Variants in ARID4A observed in about 807,000 individuals in gnomAD.
ARID4A encodes the protein AT-rich interactive domain-containing protein 4A.
ARID4A carries 39 observed loss-of-function variants against 148.6 expected under a neutral mutation model. The observed-to-expected ratio is 0.26, with a 90% CI of 0.20 to 0.34. ARID4A has a LOEUF of 0.34. Ranked by LOEUF, ARID4A falls within the 10% of genes least tolerant of loss-of-function variation. The probability of loss-of-function intolerance (pLI) is 1.00; values close to 1 mark genes in which losing one functional copy is unlikely to be tolerated. For missense variants in ARID4A, 1,265 were observed against 1,449.1 expected (o/e 0.87, Z 2.06); for synonymous variants, 475 against 481.2 (o/e 0.99, Z 0.17).
chr14:58,307,417 G>A (rs961205166), intron 5 of ARID4A, among the ~76,000 whole-genome samples: 67 of 152,172 alleles, frequency 4.4e-4, no homozygotes, highest in African/African-American at 1.6e-3. Flanking sequence ...AAACCTCTTT[G>A]ATGCTTCTTG....
intron 11 of ARID4A, among the ~76,000 whole-genome samples, chr14:58,333,136 AG>A (rs1167686579): frequency 6.6e-6 from 1 of 152,096 alleles, no homozygotes; most frequent in Non-Finnish European, 1.5e-5. Flanking sequence ...GTGTGGGAAA[AG>A]ATTGAGGATC....
intron 7 of ARID4A, among the ~76,000 whole-genome samples, chr14:58,322,963 C>CCAAAAAAA (rs1491222874): frequency 2.4e-4 from 10 of 42,240 alleles, no homozygotes; most frequent in African/African-American, 9.8e-4. Flanking sequence ...ACTCCATTTC[C>CCAAAAAAA]AAAAAAAAAA....
At chr14:58,327,831 C>T (rs2033303164) in intron 8 of ARID4A, among the ~76,000 whole-genome samples, 2 of 151,998 alleles carry the variant, frequency 1.3e-5, no homozygotes. Flanking sequence ...ACCACCACAC[C>T]AGGCTAATTT....
intron 11 of ARID4A, among the ~76,000 whole-genome samples, chr14:58,335,730 A>G (rs2033780474): frequency 6.6e-6 from 1 of 152,172 alleles, no homozygotes; most frequent in Non-Finnish European, 1.5e-5. Context: ...TGATAAAAGC[A>G]ACATCCACCC....
intron 16 of ARID4A, among the ~76,000 whole-genome samples, chr14:58,352,190 A>G (rs1047333483): frequency 2.6e-5 from 4 of 152,190 alleles, no homozygotes; most frequent in African/African-American, 4.8e-5. Context: ...CTGACCTGCC[A>G]TTGAGAGAAT....
chr14:58,317,747 C>T (rs1250551961), intron 5 of ARID4A, among the ~76,000 whole-genome samples: 2 of 149,176 alleles, frequency 1.3e-5, no homozygotes, highest in African/African-American at 4.9e-5. Flanking sequence ...ATCGTTCCAC[C>T]ATGGCCTCTC....
chr14:58,367,984 C>T (rs1452622580), intron 23 of ARID4A, among the ~76,000 whole-genome samples: 1 of 151,950 alleles, frequency 6.6e-6, no homozygotes. Flanking sequence ...GGATATGGGA[C>T]GATGCTGAAA....
At chr14:58,300,802 TC>T (rs1039320866) in intron 2 of ARID4A, among the ~76,000 whole-genome samples, 8 of 148,226 alleles carry the variant, frequency 5.4e-5, no homozygotes, top group African/African-American at 2.0e-4. Flanking sequence ...CACTTTAACT[TC>T]CGGAAAAAAA....
At chr14:58,338,218 C>T (rs959399100) in intron 11 of ARID4A, among the ~76,000 whole-genome samples, 4 of 152,080 alleles carry the variant, frequency 2.6e-5, no homozygotes, top group Admixed American at 2.6e-4. Context: ...AAAGAGGGCT[C>T]TACTTGAATT....
At chr14:58,309,973 A>G (rs1051796346) in intron 5 of ARID4A, among the ~76,000 whole-genome samples, 1 of 152,234 alleles carries the variant, frequency 6.6e-6, no homozygotes, top group Non-Finnish European at 1.5e-5. Context: ...AGACTCGCTT[A>G]TGACAAATGT....
chr14:58,336,173 C>T (rs34952038), intron 11 of ARID4A, among the ~76,000 whole-genome samples: 3,168 of 152,254 alleles, frequency 0.021, 38 homozygotes, highest in Admixed American at 0.033. Flanking sequence ...GTATAATGTA[C>T]ATTATTTAAT....
At chr14:58,366,255 T>A in intron 22 of ARID4A, 25 bp downstream of exon 22, 2 of 1,523,490 alleles carry the variant, frequency 1.3e-6, no homozygotes, top group Non-Finnish European at 1.8e-6. Context: ...GAAAACTTGA[T>A]AGATGAATAC....
rs572281823 is a variant in ARID4A at position 58,365,405 on chromosome 14, C to G, written c.3211+105C>G. 7.6e-5 allele frequency: 107 copies of G among 1,403,294 alleles called. No individual in the cohort carries two copies. In the African/African-American group the frequency reaches 1.5e-3, roughly 19 times the overall value. The allele number at this position is 1,403,294 out of a possible 1,614,324, so 86.9% of individuals were successfully genotyped here. On this transcript the variant is annotated intron_variant, in intron 20 of 23. Coordinates refer to ENST00000355431, the MANE Select transcript of ARID4A (RefSeq NM_002892.4). ...GTAAAGTACTTTCTTTTTCTTTTCT[C>G]TCTTCTTTTCTTATTAAAAAGAAAG...
At position 58,328,248 on chromosome 14, in the gene ARID4A, C is replaced by A; in HGVS notation, c.594C>A (p.Pro198=). 2 of 1,596,162 alleles carry A rather than the reference C, an allele frequency of 1.3e-6. No homozygotes were observed. The highest frequency in any genetic ancestry group is 1.7e-6 in the Non-Finnish European group (2 of 1,164,890). ...TEWYPALVIS[P]SCNDDITVKK... ...ATTTTATATTTCAGGTAATATCTCC[C>A]AGCTGTAATGATGACATCACAGTGA... The change falls in exon 9 of 24, where the codon CCC becomes CCA. Residue 198 remains proline, a synonymous_variant. Transcript: ENST00000355431.
intron 4 of ARID4A, 62 bp from the exon 5 acceptor site, chr14:58,305,960 G>A (rs919702799): frequency 8.9e-7 from 1 of 1,124,280 alleles, no homozygotes; most frequent in African/African-American, 1.5e-5. Context: ...TTATATAGTT[G>A]GTGGGAGTGA....
chr14:58,303,874 C>T (rs1475620720), intron 3 of ARID4A: 2 of 166,314 alleles, frequency 1.2e-5, no homozygotes, highest in Non-Finnish European at 2.6e-5. Context: ...CTTTGGGAAG[C>T]CAGAGTGGGC....
intron 7 of ARID4A, among the ~76,000 whole-genome samples, chr14:58,322,978 A>ATAT (rs1401747140): frequency 1.4e-5 from 2 of 141,184 alleles, no homozygotes; most frequent in African/African-American, 2.6e-5. Context: ...AAAAAAAAAA[A>ATAT]AAATATATAT....
chr14:58,302,155 C>G (rs1356908112), intron 3 of ARID4A, among the ~76,000 whole-genome samples: 1 of 152,104 alleles, frequency 6.6e-6, no homozygotes, highest in Non-Finnish European at 1.5e-5. Context: ...GCCAGGAGTT[C>G]AAGAGCAGCC....
chr14:58,329,709 T>C, intron 10 of ARID4A, 105 bp downstream of exon 10: 1 of 1,052,228 alleles, frequency 9.5e-7, no homozygotes, highest in Non-Finnish European at 1.4e-6. Flanking sequence ...TTTAACTGTT[T>C]AGAGTTGATA....
Sources: allele counts gnomAD v4.1 joint callset (sites outside exome capture counted in the v4.1 genomes callset), GRCh38; gene constraint gnomAD v4.1.1; transcripts MANE v1.5; gene names NCBI Gene and HGNC (gene_info 2026-07-23, HGNC 2026-07-21).